The following TTC7B variants were observed in gnomAD, a reference collection of about 807,000 sequenced individuals.
TTC7B encodes tetratricopeptide repeat domain 7B.
In TTC7B, 28 loss-of-function variants were observed where a neutral mutation model predicts 106.8. That is an observed-to-expected ratio of 0.26 (90% CI 0.19 to 0.36). The LOEUF (loss-of-function observed/expected upper bound fraction) is 0.36, where lower values mean the gene tolerates loss of function less well. Ranked by LOEUF, TTC7B falls within the 10% of genes least tolerant of loss-of-function variation. The probability of loss-of-function intolerance (pLI) is 1.00; values close to 1 mark genes in which losing one functional copy is unlikely to be tolerated. For synonymous variants in TTC7B, 405 were observed against 430.6 expected, an observed-to-expected ratio of 0.94 and a Z score of 0.74; for missense variants, 862 against 1,076.4, an observed-to-expected ratio of 0.80 and a Z score of 2.79.
chr14:90,638,204 A>T (rs558244005), intron 15 of TTC7B, among the ~76,000 whole-genome samples: 112 of 152,324 alleles, frequency 7.4e-4, no homozygotes, highest in African/African-American at 2.3e-3. Context: ...TCTTAATGGT[A>T]AAACATTGAA....
chr14:90,691,114 G>A (rs1474095788), intron 6 of TTC7B, among the ~76,000 whole-genome samples: 1 of 152,100 alleles, frequency 6.6e-6, no homozygotes, highest in Non-Finnish European at 1.5e-5. Flanking sequence ...ATAAGCTAAT[G>A]ACTTTTGCTG....
chr14:90,568,286 C>T (rs1471450676), intron 19 of TTC7B, among the ~76,000 whole-genome samples: 1 of 152,144 alleles, frequency 6.6e-6, no homozygotes, highest in Non-Finnish European at 1.5e-5. Flanking sequence ...AAACGAAAGG[C>T]CTGATTCAAG....
intron 8 of TTC7B, chr14:90,677,725 C>G (rs541639484): frequency 1.0e-4 from 43 of 411,176 alleles, no homozygotes; most frequent in Non-Finnish European, 1.9e-4. Context: ...TCAGAAAGGC[C>G]ACACACACAC....
rs1220341542 is a variant in TTC7B, at chr14:90,742,325, T to G, written c.576+2467A>C. ...CCTCCCTCCTTTCTCTTTCTCTTTC[T>G]CTCTCTCTCTCTTTCTCTCTTCCTT... On this transcript the variant is annotated intron_variant, in intron 4 of 19. Coordinates refer to ENST00000328459, the MANE Select transcript of TTC7B (RefSeq NM_001010854.2). This position sits in a 1 kb window ranked among gnomAD's most constrained non-coding sequence, Gnocchi z 4.1. Among the ~76,000 whole-genome samples the G allele has an allele frequency of 2.0e-5, 3 of 151,086 alleles. No individual in the cohort carries two copies. The East Asian group carries it at 5.8e-4, about 29-fold the overall frequency.
intron 1 of TTC7B, among the ~76,000 whole-genome samples, chr14:90,789,133 C>T (rs1891492223): frequency 6.6e-6 from 1 of 152,120 alleles, no homozygotes; most frequent in Non-Finnish European, 1.5e-5. Flanking sequence ...CAGAGTTTCG[C>T]TCTTGTCGCC....
intron 15 of TTC7B, among the ~76,000 whole-genome samples, chr14:90,623,606 G>C (rs544416670): frequency 3.2e-4 from 48 of 152,356 alleles, no homozygotes; most frequent in South Asian, 4.1e-4. Context: ...CTACTATTGG[G>C]CAGGATTTCT....
intron 18 of TTC7B, among the ~76,000 whole-genome samples, chr14:90,589,468 T>G (rs1359731843): frequency 6.6e-6 from 1 of 152,252 alleles, no homozygotes; most frequent in Admixed American, 6.5e-5. Flanking sequence ...ATGTAAATGC[T>G]ATTTAAATAG....
At chr14:90,791,611 G>T (rs943641339) in intron 1 of TTC7B, among the ~76,000 whole-genome samples, 5 of 152,174 alleles carry the variant, frequency 3.3e-5, no homozygotes, top group Admixed American at 6.5e-5. Context: ...GATGGGATGG[G>T]AGCAGAGGTG....
intron 15 of TTC7B, among the ~76,000 whole-genome samples, chr14:90,633,933 G>T (rs1217348118): frequency 6.6e-6 from 1 of 151,744 alleles, no homozygotes; most frequent in Non-Finnish European, 1.5e-5. Flanking sequence ...GGAGTGCAGT[G>T]GCGCGGTCTC....
intron 16 of TTC7B, among the ~76,000 whole-genome samples, chr14:90,616,589 C>G (rs939351237): frequency 7.2e-5 from 11 of 152,166 alleles, no homozygotes; most frequent in African/African-American, 2.2e-4. Flanking sequence ...AGGCAGAGCT[C>G]TCTTCCTTCC....
chr14:90,659,421 ATC>A (rs1886095466), intron 9 of TTC7B, among the ~76,000 whole-genome samples: 1 of 152,172 alleles, frequency 6.6e-6, no homozygotes, highest in African/African-American at 2.4e-5. Context: ...CAAGAAAAAG[ATC>A]TAACAGAAGA....
In TTC7B at chr14:90,654,988, C is replaced by G; in HGVS notation, c.1459+5G>C. 6.2e-7 allele frequency: 1 copy of G among 1,610,476 alleles called. No homozygotes were observed. Among genetic ancestry groups the G allele is most frequent in the Non-Finnish European group, 8.5e-7 (1 of 1,176,672 alleles). The stretch of plus-strand genomic sequence containing the variant: ...CAGCAGCTGTGGGGGTGGGACGTCT[C>G]TCACCGTCAGTGGCCTGCAGACTGT... On this transcript the variant is annotated splice_donor_5th_base_variant and intron_variant, in intron 12 of 19. Transcript: ENST00000328459.
chr14:90,700,403 T>G (rs915799755), intron 5 of TTC7B, among the ~76,000 whole-genome samples: 1 of 152,178 alleles, frequency 6.6e-6, no homozygotes, highest in South Asian at 2.1e-4. Context: ...TGAGTTTATA[T>G]CTGTTCACCA....
chr14:90,706,087 C>T (rs1888196741), intron 5 of TTC7B, among the ~76,000 whole-genome samples: 1 of 152,134 alleles, frequency 6.6e-6, no homozygotes, highest in Non-Finnish European at 1.5e-5. Context: ...ACACTTTCAG[C>T]ATCAATCTCC....
At chr14:90,782,947 A>G (rs1168712361) in intron 2 of TTC7B, among the ~76,000 whole-genome samples, 3 of 146,532 alleles carry the variant, frequency 2.0e-5, no homozygotes, top group African/African-American at 7.5e-5. Context: ...ACCAAAAGGG[A>G]AAAAAAAAAA....
At chr14:90,690,801 T>G (rs1887439958) in intron 6 of TTC7B, among the ~76,000 whole-genome samples, 1 of 152,208 alleles carries the variant, frequency 6.6e-6, no homozygotes, top group African/African-American at 2.4e-5. Flanking sequence ...GAAGAGGGCT[T>G]TGCTAAGCTT....
intron 6 of TTC7B, among the ~76,000 whole-genome samples, chr14:90,693,637 G>A (rs1467973784): frequency 2.6e-5 from 4 of 152,158 alleles, no homozygotes; most frequent in Non-Finnish European, 4.4e-5. Flanking sequence ...AGCCATCAAG[G>A]AAGTGCCAAT....
Position 90,541,909 on chromosome 14 carries a change from G to A in TTC7B, c.2311-320C>T, listed in dbSNP as rs529539490. Among the ~76,000 whole-genome samples, 15 of 152,350 alleles carry A rather than the reference G, an allele frequency of 9.8e-5. No individual in the cohort carries two copies. In the South Asian group the frequency reaches 2.3e-3, roughly 23 times the overall value. On this transcript the variant is annotated intron_variant, in intron 19 of 19. Coordinates refer to ENST00000328459, the MANE Select transcript of TTC7B (RefSeq NM_001010854.2). The stretch of plus-strand genomic sequence containing the variant: ...GCAGTCTGCACTGACCCAGCGCGGC[G>A]TCAGCATGGGATGGGACTATCATCC...
chr14:90,655,503 T>C (rs79630872), intron 11 of TTC7B, among the ~76,000 whole-genome samples: 5,627 of 152,304 alleles, frequency 0.037, 143 homozygotes, highest in Non-Finnish European at 0.055. Context: ...GAGCCTTTCT[T>C]TCCCCCCCTA....
Sources: allele counts gnomAD v4.1 joint callset (sites outside exome capture counted in the v4.1 genomes callset), GRCh38; gene constraint gnomAD v4.1.1; non-coding constraint Gnocchi (gnomAD v3.1); transcripts MANE v1.5; gene names NCBI Gene and HGNC (gene_info 2026-07-23, HGNC 2026-07-21).